Variants in RPGRIP1 observed in about 807,000 individuals in gnomAD.
RPGRIP1 encodes the protein X-linked retinitis pigmentosa GTPase regulator-interacting protein 1.
Under a neutral mutation model 157.9 loss-of-function variants are expected in RPGRIP1, and 128 were observed. The ratio of observed to expected loss-of-function variants is 0.81; its 90% confidence interval spans 0.70 to 0.94. The LOEUF (loss-of-function observed/expected upper bound fraction) is 0.94, where lower values mean the gene tolerates loss of function less well. Ranked by LOEUF, RPGRIP1 falls within the 40% of genes least tolerant of loss-of-function variation. The pLI, the probability that RPGRIP1 is intolerant of heterozygous loss-of-function variation, is 0.00. For missense variants in RPGRIP1, 1,486 were observed against 1,545.8 expected (o/e 0.96, Z 0.65); for synonymous variants, 554 against 571.6 (o/e 0.97, Z 0.44).
chr14:21,321,826 GA>G, intron 13 of RPGRIP1, 27 bp from the exon 14 acceptor site: 1 of 1,604,202 alleles, frequency 6.2e-7, no homozygotes, highest in Non-Finnish European at 8.5e-7. Context: ...CACTGAGATA[GA>G]AAAGTTCAGA....
At chr14:21,345,024 A>G in intron 22 of RPGRIP1, 89 bp from the exon 23 acceptor site, 1 of 839,266 alleles carries the variant, frequency 1.2e-6, no homozygotes, top group Non-Finnish European at 2.0e-6. Context: ...TTTTTATGAA[A>G]ACTACCATGA....
chr14:21,307,637 A>G, intron 6 of RPGRIP1, 94 bp from the exon 7 acceptor site: 1 of 759,286 alleles, frequency 1.3e-6, no homozygotes, highest in South Asian at 1.6e-5. Flanking sequence ...GCAAGAGACA[A>G]GAGGGAGGTA....
chr14:21,299,257 C>A (rs540982154), intron 3 of RPGRIP1, among the ~76,000 whole-genome samples: 1 of 152,090 alleles, frequency 6.6e-6, no homozygotes, highest in Non-Finnish European at 1.5e-5. Flanking sequence ...CCACCTCAGC[C>A]CGGCAAAGTG....
intron 20 of RPGRIP1, among the ~76,000 whole-genome samples, chr14:21,331,352 A>G (rs933558890): frequency 6.6e-6 from 1 of 151,810 alleles, no homozygotes; most frequent in Non-Finnish European, 1.5e-5. Flanking sequence ...ATGAAACCCC[A>G]TCTACTAAAA....
At chr14:21,290,170 C>G (rs763644092) in intron 2 of RPGRIP1, among the ~76,000 whole-genome samples, 1 of 151,902 alleles carries the variant, frequency 6.6e-6, no homozygotes, top group Non-Finnish European at 1.5e-5. Context: ...GTTTTTATTT[C>G]TCCTGGGCAC....
At chr14:21,305,970 A>C (rs910173636) in intron 6 of RPGRIP1, among the ~76,000 whole-genome samples, 14 of 152,132 alleles carry the variant, frequency 9.2e-5, no homozygotes, top group Admixed American at 5.9e-4. Context: ...TGTAATTTTA[A>C]GATCTCTCCA....
chr14:21,321,564 C>CA lies in RPGRIP1; in HGVS notation c.1611+163dup, dbSNP rs1184354924. ...CTGTCCTTTGAAGAACTTGAGGACTCACACATGCCCACGGCACCTTGGCAC... is the reference window on the plus strand; with the variant it reads ...CTGTCCTTTGAAGAACTTGAGGACTCAACACATGCCCACGGCACCTTGGCAC... On this transcript the variant is annotated intron_variant, in intron 13 of 24. Transcript: ENST00000400017. 26 of 1,352,004 alleles carry CA rather than the reference C, an allele frequency of 1.9e-5. No homozygotes were observed. In the Admixed American group the frequency reaches 2.7e-4, roughly 14 times the overall value. 83.8% of individuals were successfully genotyped at this position (1,352,004 alleles called of 1,614,324 possible). A position where few individuals can be genotyped will look rare whatever the true frequency, so the allele number is the denominator to read the frequency against.
chr14:21,349,774 A>G (rs1338897722), intron 24 of RPGRIP1, among the ~76,000 whole-genome samples: 1 of 152,202 alleles, frequency 6.6e-6, no homozygotes, highest in Non-Finnish European at 1.5e-5. Flanking sequence ...TAGTAAATAC[A>G]TAATACATTT....
intron 7 of RPGRIP1, 142 bp downstream of exon 7, chr14:21,307,978 TATTC>T (rs1881388352): frequency 6.8e-6 from 4 of 587,164 alleles, no homozygotes; most frequent in Admixed American, 3.5e-5. Context: ...TTATAAGTGA[TATTC>T]AAATCCAAGC....
intron 10 of RPGRIP1, among the ~76,000 whole-genome samples, chr14:21,315,741 T>C (rs1438586289): frequency 1.3e-5 from 2 of 151,904 alleles, no homozygotes; most frequent in African/African-American, 2.4e-5. Flanking sequence ...TTACATGATA[T>C]ATGGTCAGGC....
intron 1 of RPGRIP1, among the ~76,000 whole-genome samples, chr14:21,286,316 G>A (rs1346713229): frequency 6.6e-6 from 1 of 151,852 alleles, no homozygotes; most frequent in African/African-American, 2.4e-5. Flanking sequence ...GGAAGAACCT[G>A]GAGAACATGC....
In RPGRIP1 at chr14:21,319,673, G is replaced by T. The variant is rs77618430; in HGVS notation, c.1307-344G>T. Among the ~76,000 whole-genome samples the T allele has an allele frequency of 8.7e-3, 1,326 of 152,260 alleles. 14 individuals carry two copies. Among genetic ancestry groups the T allele is most frequent in the Non-Finnish European group, 0.011 (737 of 68,034 alleles). On this transcript the variant is annotated intron_variant, in intron 11 of 24. Coordinates refer to ENST00000400017, the MANE Select transcript of RPGRIP1 (RefSeq NM_020366.4). The stretch of plus-strand genomic sequence containing the variant: ...AGCTAGTAACCTAGAAGTCAGAATG[G>T]AGTGGGGGTGGAGTTGGTGAGATAC...
intron 3 of RPGRIP1, among the ~76,000 whole-genome samples, chr14:21,296,597 C>T (rs938619726): frequency 6.6e-6 from 1 of 151,952 alleles, no homozygotes. Context: ...ATGATCCCCC[C>T]ATCTTGGCCG....
intron 3 of RPGRIP1, among the ~76,000 whole-genome samples, chr14:21,299,728 G>C (rs528362821): frequency 1.3e-5 from 2 of 152,326 alleles, no homozygotes; most frequent in East Asian, 3.8e-4. Flanking sequence ...TGTCAGAACA[G>C]ACGGGCAGTG....
At position 21,289,936 on chromosome 14, in the gene RPGRIP1, A is replaced by C. The variant is rs527891830; in HGVS notation, c.85+1875A>C. ...CAGTGGCGTGATCTCAGCTCACTGC[A>C]ACCTCTGCCTCCCGGGTTCAAGTGA... is the stretch of plus-strand genomic sequence containing the variant. On this transcript the variant is annotated intron_variant, in intron 2 of 24. Transcript: ENST00000400017. Among the ~76,000 whole-genome samples the C allele has an allele frequency of 2.0e-5, 3 of 152,188 alleles. No individual in the cohort carries two copies. In the East Asian group the frequency reaches 5.8e-4, roughly 29 times the overall value.
chr14:21,285,475 C>T (rs1267918812), intron 1 of RPGRIP1, among the ~76,000 whole-genome samples: 1 of 151,584 alleles, frequency 6.6e-6, no homozygotes, highest in Admixed American at 6.6e-5. Flanking sequence ...CATGGTGGCA[C>T]GTGCCTGTAG....
chr14:21,339,247 T>A (rs1290597267), intron 21 of RPGRIP1, among the ~76,000 whole-genome samples: 1 of 151,154 alleles, frequency 6.6e-6, no homozygotes, highest in African/African-American at 2.4e-5. Flanking sequence ...GGAGATCGAG[T>A]CCATCCTGGC....
At position 21,291,642 on chromosome 14, in the gene RPGRIP1, G is replaced by A. The variant is rs71410274; in HGVS notation, c.86-3035G>A. Among the ~76,000 whole-genome samples the A allele has an allele frequency of 9.0e-3, 1,362 of 151,604 alleles. 8 individuals carry two copies. The highest frequency in any genetic ancestry group is 0.014 in the Non-Finnish European group (920 of 67,948). On this transcript the variant is annotated intron_variant, in intron 2 of 24. Coordinates refer to ENST00000400017, the MANE Select transcript of RPGRIP1 (RefSeq NM_020366.4). ...GTCACCCAAGCTGGAGTGCAGTGGT[G>A]CGATCTTGGCTTACTGCAACCTCTG...
chr14:21,328,797 C>T (rs1394450900), intron 19 of RPGRIP1, among the ~76,000 whole-genome samples, 170 bp downstream of exon 19: 3 of 151,172 alleles, frequency 2.0e-5, no homozygotes, highest in Non-Finnish European at 4.4e-5. Context: ...TTGAGGTGGG[C>T]AGATCACCTC....
Sources: gnomAD v4.1 joint callset for allele counts (sites outside exome capture counted in the v4.1 genomes callset) on GRCh38, gnomAD v4.1.1 for gene constraint, MANE v1.5 for transcripts, NCBI Gene and HGNC (gene_info 2026-07-23, HGNC 2026-07-21) for gene names.